Variants in RPS6KC1 observed in about 807,000 individuals in gnomAD.
RPS6KC1 encodes ribosomal protein S6 kinase C1.
A neutral mutation model predicts 103.8 loss-of-function variants in RPS6KC1; 54 were observed. The ratio of observed to expected loss-of-function variants is 0.52; its 90% CI spans 0.42 to 0.65. RPS6KC1 has a LOEUF of 0.65. RPS6KC1 is among the 30% of genes least tolerant of loss of function. RPS6KC1 has a pLI of 0.00. For missense variants in RPS6KC1, 1,151 were observed against 1,253.8 expected, an observed-to-expected ratio of 0.92 and a Z score of 1.24; for synonymous variants, 439 against 438.7, an observed-to-expected ratio of 1.00 and a Z score of -0.01.
chr1:213,399,170 C>A, the RPS6KC1 span, among the ~76,000 whole-genome samples: 3 of 152,188 alleles, frequency 2.0e-5, no homozygotes, highest in African/African-American at 7.2e-5. Flanking sequence ...GCATGAAGCC[C>A]TGGTTATGCC....
the RPS6KC1 span, among the ~76,000 whole-genome samples, chr1:213,752,496 G>A: frequency 6.6e-6 from 1 of 152,208 alleles, no homozygotes; most frequent in Non-Finnish European, 1.5e-5. Flanking sequence ...ACTGGTTGAT[G>A]TGGAATGGTC....
At chr1:213,186,306 G>T (rs2092528228) in intron 8 of RPS6KC1, among the ~76,000 whole-genome samples, 1 of 150,662 alleles carries the variant, frequency 6.6e-6, no homozygotes, top group Admixed American at 6.6e-5. Flanking sequence ...TTGAGAAATA[G>T]TTTCTCTCTC....
intron 4 of RPS6KC1, among the ~76,000 whole-genome samples, chr1:213,116,596 T>C (rs2083658978): frequency 6.6e-6 from 1 of 150,674 alleles, no homozygotes; most frequent in Non-Finnish European, 1.5e-5. Context: ...CCTGTCATTA[T>C]GATGTTAGCT....
At chr1:213,495,799 AAATT>A in the RPS6KC1 span, among the ~76,000 whole-genome samples, 3 of 152,232 alleles carry the variant, frequency 2.0e-5, no homozygotes, top group Non-Finnish European at 4.4e-5. Flanking sequence ...ATTAAGGAAT[AAATT>A]ACTTTTTAAA....
At chr1:213,481,959 G>A in the RPS6KC1 span, among the ~76,000 whole-genome samples, 5 of 151,998 alleles carry the variant, frequency 3.3e-5, no homozygotes, top group Admixed American at 6.6e-5. Flanking sequence ...GTGAGTTATC[G>A]TGAGATCTGG....
At chr1:213,463,298 G>A in the RPS6KC1 span, among the ~76,000 whole-genome samples, 1 of 152,188 alleles carries the variant, frequency 6.6e-6, no homozygotes, top group Admixed American at 6.5e-5. Context: ...GCTTGGGCAA[G>A]CCGTAGGCTC....
the RPS6KC1 span, among the ~76,000 whole-genome samples, chr1:213,667,204 T>C: frequency 6.6e-6 from 1 of 152,170 alleles, no homozygotes; most frequent in South Asian, 2.1e-4. Context: ...AAAGAAGTTC[T>C]GTGAAGTTAC....
At chr1:213,522,430 A>G in the RPS6KC1 span, among the ~76,000 whole-genome samples, 1 of 152,336 alleles carries the variant, frequency 6.6e-6, no homozygotes, top group South Asian at 2.1e-4. Flanking sequence ...GTCAATGAGC[A>G]TTGGCTTCCA....
chr1:213,424,834 T>C, the RPS6KC1 span, among the ~76,000 whole-genome samples: 1 of 152,208 alleles, frequency 6.6e-6, no homozygotes, highest in Non-Finnish European at 1.5e-5. Context: ...CTACCTGTTA[T>C]ATTTACTAAA....
At chr1:213,743,194 T>C in the RPS6KC1 span, among the ~76,000 whole-genome samples, 3 of 152,182 alleles carry the variant, frequency 2.0e-5, no homozygotes, top group Non-Finnish European at 4.4e-5. Context: ...CACATTGGAA[T>C]ACTACACAGT....
the RPS6KC1 span, among the ~76,000 whole-genome samples, chr1:213,422,580 C>A: frequency 6.6e-6 from 1 of 152,106 alleles, no homozygotes; most frequent in Admixed American, 6.5e-5. Flanking sequence ...TCTATAAAAC[C>A]TTATTACTTA....
At chr1:213,523,036 C>T in the RPS6KC1 span, among the ~76,000 whole-genome samples, 1 of 152,148 alleles carries the variant, frequency 6.6e-6, no homozygotes, top group East Asian at 1.9e-4. Context: ...TTAATCATTT[C>T]TAGGTTTTGC....
the RPS6KC1 span, among the ~76,000 whole-genome samples, chr1:213,616,215 T>C: frequency 6.6e-6 from 1 of 152,178 alleles, no homozygotes; most frequent in Non-Finnish European, 1.5e-5. Context: ...CATGAGAGAA[T>C]GTAAGCAAAT....
the RPS6KC1 span, among the ~76,000 whole-genome samples, chr1:213,537,340 C>T: frequency 3.3e-5 from 5 of 152,196 alleles, no homozygotes; most frequent in Non-Finnish European, 7.4e-5. Context: ...CCACTGGGAG[C>T]GTTTACCCTG....
the RPS6KC1 span, among the ~76,000 whole-genome samples, chr1:213,830,703 A>T: frequency 6.6e-6 from 1 of 150,916 alleles, no homozygotes; most frequent in Non-Finnish European, 1.5e-5. Context: ...TCTCAAAACG[A>T]TATTGAATCT....
chr1:213,824,254 A>T, the RPS6KC1 span, among the ~76,000 whole-genome samples: 2 of 152,188 alleles, frequency 1.3e-5, no homozygotes, highest in Non-Finnish European at 2.9e-5. Flanking sequence ...AGGGTGCTCC[A>T]TGTCACTCAG....
chr1:213,387,107 C>A, the RPS6KC1 span, among the ~76,000 whole-genome samples: 1 of 152,306 alleles, frequency 6.6e-6, no homozygotes, highest in Non-Finnish European at 1.5e-5. Flanking sequence ...GAGCTTTCAG[C>A]CCAGTAGGGA....
the RPS6KC1 span, among the ~76,000 whole-genome samples, chr1:213,282,770 G>A: frequency 6.6e-6 from 1 of 152,232 alleles, no homozygotes; most frequent in Non-Finnish European, 1.5e-5. Context: ...GCTCTGAAAT[G>A]TGTCAAACAC....
At chr1:213,313,303 A>G in the RPS6KC1 span, among the ~76,000 whole-genome samples, 1 of 151,934 alleles carries the variant, frequency 6.6e-6, no homozygotes, top group Admixed American at 6.6e-5. Flanking sequence ...CAGAAGGGAG[A>G]TGTCAGTCTC....
Sources: gnomAD v4.1 joint callset for allele counts (sites outside exome capture counted in the v4.1 genomes callset) on GRCh38, gnomAD v4.1.1 for gene constraint, MANE v1.5 for transcripts, NCBI Gene and HGNC (gene_info 2026-07-23, HGNC 2026-07-21) for gene names.